The following PPARGC1A variants were observed in gnomAD, a reference collection of about 807,000 sequenced individuals.
The protein encoded by PPARGC1A is PPARG coactivator 1 alpha, also known as peroxisome proliferator-activated receptor gamma coactivator 1-alpha.
PPARGC1A carries 25 observed loss-of-function variants against 88.7 expected under a neutral mutation model. The ratio of observed to expected loss-of-function variants is 0.28; its 90% confidence interval spans 0.21 to 0.39. The LOEUF (loss-of-function observed/expected upper bound fraction) is 0.39. PPARGC1A is among the 10% of genes least tolerant of loss of function. PPARGC1A has a pLI of 1.00. For missense variants in PPARGC1A, 880 were observed against 968.7 expected, an observed-to-expected ratio of 0.91 and a Z score of 1.22; for synonymous variants, 363 against 355.6, an observed-to-expected ratio of 1.02 and a Z score of -0.24.
the PPARGC1A span, among the ~76,000 whole-genome samples, chr4:24,439,021 G>A: frequency 5.9e-5 from 9 of 151,890 alleles, no homozygotes; most frequent in African/African-American, 2.2e-4. Context: ...AAAAGGAACT[G>A]GAAAAGGATG....
intron 2 of PPARGC1A, chr4:23,880,927 C>G (rs1715801693): frequency 6.6e-6 from 1 of 152,162 alleles, no homozygotes; most frequent in South Asian, 2.1e-4. Flanking sequence ...TAGCTTCATT[C>G]AGAAGTAACA....
At chr4:24,444,454 TA>T in the PPARGC1A span, among the ~76,000 whole-genome samples, 7 of 149,944 alleles carry the variant, frequency 4.7e-5, no homozygotes, top group African/African-American at 1.7e-4. Context: ...TTTAAAAATT[TA>T]AAAAAAAAAT....
the PPARGC1A span, among the ~76,000 whole-genome samples, chr4:24,410,452 G>A: frequency 8.9e-4 from 135 of 152,242 alleles, no homozygotes; most frequent in African/African-American, 3.0e-3. Flanking sequence ...AAGAGTGCCC[G>A]CAGACTCCTG....
At chr4:23,866,427 G>C (rs1712007554) in intron 2 of PPARGC1A, among the ~76,000 whole-genome samples, 1 of 152,118 alleles carries the variant, frequency 6.6e-6, no homozygotes. Flanking sequence ...AAACAGCAAA[G>C]CTTGACATTT....
the PPARGC1A span, among the ~76,000 whole-genome samples, chr4:24,027,227 CTG>C: frequency 4.0e-3 from 535 of 132,772 alleles, 5 homozygotes; most frequent in Middle Eastern, 0.016. Context: ...GTCTGTGTGT[CTG>C]TGTGTGTCTG....
the PPARGC1A span, among the ~76,000 whole-genome samples, chr4:23,939,362 T>C: frequency 6.6e-6 from 1 of 152,202 alleles, no homozygotes; most frequent in South Asian, 2.1e-4. Flanking sequence ...CATTGACAGA[T>C]GGGCCAAAAT....
At chr4:24,063,498 C>T in the PPARGC1A span, among the ~76,000 whole-genome samples, 1 of 152,172 alleles carries the variant, frequency 6.6e-6, no homozygotes, top group Admixed American at 6.5e-5. Context: ...AGTCACTTAA[C>T]CACCCAATCT....
chr4:23,996,559 C>T, the PPARGC1A span, among the ~76,000 whole-genome samples: 4 of 152,146 alleles, frequency 2.6e-5, no homozygotes, highest in South Asian at 2.1e-4. Flanking sequence ...TCCTCTGCTA[C>T]GTACTTCCCC....
chr4:24,349,589 G>C, the PPARGC1A span, among the ~76,000 whole-genome samples: 1 of 152,094 alleles, frequency 6.6e-6, no homozygotes, highest in Non-Finnish European at 1.5e-5. Context: ...GGGGAAAAGC[G>C]GGTAGTCACA....
At chr4:24,412,186 A>G in the PPARGC1A span, among the ~76,000 whole-genome samples, 1 of 152,180 alleles carries the variant, frequency 6.6e-6, no homozygotes, top group African/African-American at 2.4e-5. Context: ...TGGTGTTGTC[A>G]TTTAATCTGA....
the PPARGC1A span, among the ~76,000 whole-genome samples, chr4:23,977,658 C>A: frequency 6.6e-6 from 1 of 152,064 alleles, no homozygotes; most frequent in African/African-American, 2.4e-5. Flanking sequence ...ACCTGCTTGT[C>A]CTGCACGTGT....
At chr4:24,123,819 T>C in the PPARGC1A span, among the ~76,000 whole-genome samples, 1 of 151,526 alleles carries the variant, frequency 6.6e-6, no homozygotes, top group South Asian at 2.1e-4. Context: ...AGATGGAGTG[T>C]GCTCTCCTAG....
At chr4:24,089,514 CTT>C in the PPARGC1A span, among the ~76,000 whole-genome samples, 1 of 38,666 alleles carries the variant, frequency 2.6e-5, no homozygotes, top group Non-Finnish European at 8.5e-5. Context: ...TCTTTTCTTT[CTT>C]TTTTTTTTTT....
chr4:24,131,442 T>C, the PPARGC1A span, among the ~76,000 whole-genome samples: 5 of 152,198 alleles, frequency 3.3e-5, no homozygotes, highest in African/African-American at 1.2e-4. Context: ...GATATGATCC[T>C]TGTCCTGGTA....
At chr4:24,173,382 A>C in the PPARGC1A span, among the ~76,000 whole-genome samples, 2 of 151,838 alleles carry the variant, frequency 1.3e-5, no homozygotes, top group Non-Finnish European at 2.9e-5. Flanking sequence ...AAACATTTAG[A>C]GAAGGCAAGC....
the PPARGC1A span, among the ~76,000 whole-genome samples, chr4:24,136,292 A>G: frequency 2.0e-5 from 3 of 152,346 alleles, no homozygotes; most frequent in African/African-American, 7.2e-5. Flanking sequence ...TCCATTTGCC[A>G]TTTACACAAA....
intron 7 of PPARGC1A, among the ~76,000 whole-genome samples, chr4:23,822,561 C>T (rs1427992635): frequency 2.0e-5 from 3 of 152,086 alleles, no homozygotes; most frequent in African/African-American, 7.2e-5. Context: ...TCTTTTTCTC[C>T]CTTTGTGATT....
At chr4:24,109,938 G>A in the PPARGC1A span, among the ~76,000 whole-genome samples, 2 of 152,154 alleles carry the variant, frequency 1.3e-5, no homozygotes, top group Admixed American at 6.5e-5. Flanking sequence ...AGGTGGAGAA[G>A]AAAGAAACCC....
chr4:24,006,487 A>G, the PPARGC1A span, among the ~76,000 whole-genome samples: 2 of 152,196 alleles, frequency 1.3e-5, no homozygotes, highest in Non-Finnish European at 2.9e-5. Context: ...GCCCCTTAAC[A>G]TTGGCTCAAA....
Sources: allele counts gnomAD v4.1 joint callset (sites outside exome capture counted in the v4.1 genomes callset), GRCh38; gene constraint gnomAD v4.1.1; transcripts MANE v1.5; gene names NCBI Gene and HGNC (gene_info 2026-07-23, HGNC 2026-07-21).